ZNF33B: variants seen among roughly 807,000 people sequenced by gnomAD.
The protein encoded by ZNF33B is zinc finger protein 11b (KOX 2).
A neutral mutation model predicts 45.8 loss-of-function variants in ZNF33B; 29 were observed. The observed-to-expected ratio is 0.63, with a 90% CI of 0.47 to 0.86. ZNF33B has a LOEUF of 0.86. ZNF33B is among the 40% of genes least tolerant of loss of function. The pLI, the probability that ZNF33B is intolerant of heterozygous loss-of-function variation, is 0.00. For synonymous variants in ZNF33B, 305 were observed against 307.8 expected (o/e 0.99, Z 0.10); for missense variants, 831 against 909.9 (o/e 0.91, Z 1.12).
rs1363248608 is a variant in ZNF33B at position 42,590,460 on chromosome 10, C to G, written c.*2153G>C. On this transcript the variant is annotated 3_prime_UTR_variant, in exon 5 of 5. Transcript: ENST00000359467. ...AGTACAGTGGCACAATCTTGGCTCA[C>G]TGCAACCTCCACCTCCCAGGTTCAA... 6.6e-6 allele frequency: 1 copy of G among 152,216 alleles called. No homozygotes were observed. 9.4% of individuals were successfully genotyped at this position (152,216 alleles called of 1,614,324 possible).
intron 4 of ZNF33B, among the ~76,000 whole-genome samples, chr10:42,609,673 C>G (rs1838021707): frequency 6.6e-6 from 1 of 152,074 alleles, no homozygotes; most frequent in South Asian, 2.1e-4. Flanking sequence ...CAACAAAATA[C>G]TAGCAAATTT....
At chr10:42,626,541 A>G (rs1209767327) in intron 4 of ZNF33B, among the ~76,000 whole-genome samples, 5 of 152,162 alleles carry the variant, frequency 3.3e-5, no homozygotes, top group East Asian at 1.9e-4. Flanking sequence ...TACAAAAATT[A>G]GCCGAGCATG....
At chr10:42,625,836 T>C (rs770479987) in intron 4 of ZNF33B, among the ~76,000 whole-genome samples, 4 of 152,262 alleles carry the variant, frequency 2.6e-5, no homozygotes, top group Non-Finnish European at 5.9e-5. Context: ...CATGTGTAAA[T>C]GTAAACAGTT....
chr10:42,585,028 G>C (rs917806673), downstream of ZNF33B, among the ~76,000 whole-genome samples: 1 of 152,192 alleles, frequency 6.6e-6, no homozygotes, highest in Non-Finnish European at 1.5e-5. Flanking sequence ...TCCTCCTCAC[G>C]ATGAAGTAGT....
chr10:42,581,441 G>A (rs533166358), intron 1 of ZNF33B, among the ~76,000 whole-genome samples: 1 of 137,414 alleles, frequency 7.3e-6, no homozygotes, highest in African/African-American at 2.9e-5. Flanking sequence ...TCCAGCCTGG[G>A]CAATAAGAGT....
At chr10:42,622,728 A>T (rs560178614) in intron 4 of ZNF33B, among the ~76,000 whole-genome samples, 1 of 152,318 alleles carries the variant, frequency 6.6e-6, no homozygotes, top group Admixed American at 6.5e-5. Context: ...TAATGGTGAT[A>T]GAGTTTCTGT....
chr10:42,619,479 C>T (rs537417802), intron 4 of ZNF33B, among the ~76,000 whole-genome samples: 1 of 152,212 alleles, frequency 6.6e-6, no homozygotes, highest in South Asian at 2.1e-4. Context: ...GCCTGCTATA[C>T]AGGGAACACT....
intron 2 of ZNF33B, among the ~76,000 whole-genome samples, chr10:42,632,700 T>C (rs183484425): frequency 4.8e-4 from 73 of 151,960 alleles, no homozygotes; most frequent in African/African-American, 1.6e-3. Flanking sequence ...ACACACAGAG[T>C]GGTAAGAAAA....
rs761986107 is a variant in ZNF33B at position 42,592,622 on chromosome 10, A to T, written c.2328T>A (p.Pro776=). ...ATTTCTAATATCCAATTCATTCATA[A>T]GGTTTTTCTCCTATGTGTGTTCTCT... ...VHQRTHIGEK[P]YE Residue 776 remains proline, a synonymous_variant, in exon 5 of 5, where the codon CCT becomes CCA. Coordinates refer to ENST00000359467, the MANE Select transcript of ZNF33B (RefSeq NM_006955.3). 9 of 1,611,500 alleles carry T rather than the reference A, an allele frequency of 5.6e-6. No homozygotes were observed. Among genetic ancestry groups the T allele is most frequent in the Non-Finnish European group, 7.6e-6 (9 of 1,178,780 alleles).
chr10:42,587,285 C>T (rs140757341), downstream of ZNF33B, among the ~76,000 whole-genome samples: 63 of 152,218 alleles, frequency 4.1e-4, no homozygotes, highest in East Asian at 0.012. Flanking sequence ...CTGCAACATC[C>T]GCCTCCTGGA....
At chr10:42,576,826 T>C (rs1041028409) in intron 1 of ZNF33B, among the ~76,000 whole-genome samples, 4 of 152,136 alleles carry the variant, frequency 2.6e-5, no homozygotes, top group African/African-American at 9.7e-5. Flanking sequence ...CTAAAGACTT[T>C]TGACTTAAAA....
At chr10:42,607,404 G>A (rs577124468) in intron 4 of ZNF33B, among the ~76,000 whole-genome samples, 1 of 152,114 alleles carries the variant, frequency 6.6e-6, no homozygotes, top group South Asian at 2.1e-4. Context: ...GGTGGGTGAA[G>A]GATAAGAAAT....
At chr10:42,605,753 T>C (rs1837815093) in intron 4 of ZNF33B, among the ~76,000 whole-genome samples, 1 of 152,168 alleles carries the variant, frequency 6.6e-6, no homozygotes, top group African/African-American at 2.4e-5. Context: ...TAAGTCAATG[T>C]TTATAATTGT....
In ZNF33B at chr10:42,593,548, GT is replaced by G; in HGVS notation, c.1401del (p.Lys467AsnfsTer26). ...TTCCCACACTCAAGACATTCAAAAG[GT>G]TTCTCACCTGTGTGAGTTCTCTGGT... ...TVHQRTHTGE[K>X]PFECLECGKS... On this transcript the variant is annotated frameshift_variant, in exon 5 of 5. Coordinates refer to ENST00000359467, the MANE Select transcript of ZNF33B (RefSeq NM_006955.3). LOFTEE classifies it high-confidence loss of function. The G allele has an allele frequency of 6.2e-7, 1 of 1,613,954 alleles. No homozygotes were observed. The highest frequency in any genetic ancestry group is 2.2e-5 in the East Asian group (1 of 44,872).
chr10:42,599,577 T>C (rs867013750), intron 4 of ZNF33B, among the ~76,000 whole-genome samples: 1 of 151,818 alleles, frequency 6.6e-6, no homozygotes, highest in Non-Finnish European at 1.5e-5. Flanking sequence ...TTATATCCCA[T>C]ATATGACAAA....
chr10:42,586,538 G>A (rs956924117), downstream of ZNF33B, among the ~76,000 whole-genome samples: 31 of 152,222 alleles, frequency 2.0e-4, no homozygotes, highest in Admixed American at 1.2e-3. Flanking sequence ...TTGAATTCCC[G>A]GGCTCAATCC....
Position 42,592,463 on chromosome 10 carries a change from T to C in ZNF33B, c.*150A>G. On this transcript the variant is annotated 3_prime_UTR_variant, in exon 5 of 5. Transcript: ENST00000359467. The stretch of plus-strand genomic sequence containing the variant: ...TCCTATAGTTGTTGTAGTCTATGGG[T>C]TTATCCCCTACTGTTACTTTGGAGT... 3 of 1,143,862 alleles carry C rather than the reference T, an allele frequency of 2.6e-6. No individual in the cohort carries two copies. Among genetic ancestry groups the C allele is most frequent in the Non-Finnish European group, 3.7e-6 (3 of 800,790 alleles). 70.9% of individuals were successfully genotyped at this position (1,143,862 alleles called of 1,614,324 possible). A position where few individuals can be genotyped will look rare whatever the true frequency, so the allele number is the denominator to read the frequency against.
At chr10:42,604,697 G>A (rs1589038712) in intron 4 of ZNF33B, among the ~76,000 whole-genome samples, 1 of 152,096 alleles carries the variant, frequency 6.6e-6, no homozygotes, top group East Asian at 1.9e-4. Flanking sequence ...CAAATCACCT[G>A]ACGTCTAGGA....
chr10:42,574,651 T>C (rs184728011), exon 2 of ZNF33B: 1 of 152,198 alleles, frequency 6.6e-6, no homozygotes, highest in East Asian at 1.9e-4. Context: ...TCAAGGTACA[T>C]ACCACTCTCT....
Sources: allele counts gnomAD v4.1 joint callset (sites outside exome capture counted in the v4.1 genomes callset), GRCh38; gene constraint gnomAD v4.1.1; transcripts MANE v1.5; gene names NCBI Gene and HGNC (gene_info 2026-07-23, HGNC 2026-07-21).